The following PGCKA1 variants were observed in gnomAD, a reference collection of about 807,000 sequenced individuals.
PGCKA1 encodes PDCD10 and GCKIII kinases-associated protein 1.
chr4:37,503,684 G>T, the PGCKA1 span, among the ~76,000 whole-genome samples: 1 of 152,224 alleles, frequency 6.6e-6, no homozygotes, highest in South Asian at 2.1e-4. Flanking sequence ...TTTTTGATTT[G>T]CATTTCTCTG....
chr4:37,590,388 G>C, the PGCKA1 span: 2 of 1,613,884 alleles, frequency 1.2e-6, no homozygotes, highest in Non-Finnish European at 1.7e-6. Context: ...AGCCCACTGG[G>C]AATTCCAGCC....
the PGCKA1 span, among the ~76,000 whole-genome samples, chr4:37,480,231 G>A: frequency 6.6e-6 from 1 of 152,236 alleles, no homozygotes; most frequent in African/African-American, 2.4e-5. Flanking sequence ...CGTGGCTCAC[G>A]CCTGTAATCC....
At chr4:37,522,789 C>T in the PGCKA1 span, among the ~76,000 whole-genome samples, 22 of 152,124 alleles carry the variant, frequency 1.4e-4, no homozygotes, top group Admixed American at 1.2e-3. Flanking sequence ...GGAGCAAGGA[C>T]CTGGAACAGG....
chr4:37,491,233 A>G, the PGCKA1 span, among the ~76,000 whole-genome samples: 1 of 152,150 alleles, frequency 6.6e-6, no homozygotes, highest in Non-Finnish European at 1.5e-5. Flanking sequence ...GGGATATTGT[A>G]CATTGACTTT....
At chr4:37,566,489 C>T in the PGCKA1 span, among the ~76,000 whole-genome samples, 2 of 152,116 alleles carry the variant, frequency 1.3e-5, no homozygotes, top group Non-Finnish European at 2.9e-5. Flanking sequence ...CCATGTTGGC[C>T]AGGCTGGTCT....
At chr4:37,576,859 G>A in the PGCKA1 span, among the ~76,000 whole-genome samples, 1 of 152,020 alleles carries the variant, frequency 6.6e-6, no homozygotes, top group African/African-American at 2.4e-5. Context: ...TCTTCATTCT[G>A]TTGATATGAT....
the PGCKA1 span, among the ~76,000 whole-genome samples, chr4:37,525,075 T>C: frequency 7.2e-5 from 11 of 152,226 alleles, no homozygotes; most frequent in Non-Finnish European, 1.3e-4. Flanking sequence ...AAAGCAGTTC[T>C]TTATTTCAAC....
the PGCKA1 span, among the ~76,000 whole-genome samples, chr4:37,554,000 C>G: frequency 6.6e-6 from 1 of 152,246 alleles, no homozygotes; most frequent in Admixed American, 6.5e-5. Flanking sequence ...TGTCCCCACC[C>G]AAATCTCATC....
the PGCKA1 span, among the ~76,000 whole-genome samples, chr4:37,485,076 T>G: frequency 6.6e-6 from 1 of 152,242 alleles, no homozygotes; most frequent in Middle Eastern, 3.2e-3. Flanking sequence ...CCAAAGTGAT[T>G]GGAACTTTGA....
the PGCKA1 span, chr4:37,590,151 G>A: frequency 3.1e-6 from 5 of 1,614,178 alleles, no homozygotes; most frequent in Non-Finnish European, 4.2e-6. Flanking sequence ...ACAGCTGCAA[G>A]CTAGATGAAG....
At chr4:37,570,219 C>G in the PGCKA1 span, among the ~76,000 whole-genome samples, 2 of 134,912 alleles carry the variant, frequency 1.5e-5, no homozygotes, top group Non-Finnish European at 3.0e-5. Flanking sequence ...AGGATGGTCT[C>G]GATCTCCTGA....
chr4:37,506,728 T>C, the PGCKA1 span, among the ~76,000 whole-genome samples: 1 of 152,140 alleles, frequency 6.6e-6, no homozygotes, highest in Non-Finnish European at 1.5e-5. Flanking sequence ...ATGATCCTTG[T>C]GCTAAGGAAA....
the PGCKA1 span, among the ~76,000 whole-genome samples, chr4:37,468,756 A>ACG: frequency 1.3e-5 from 2 of 151,974 alleles, no homozygotes; most frequent in African/African-American, 4.8e-5. Context: ...CCCCACACAC[A>ACG]TATGTTTGTG....
chr4:37,503,087 G>A, the PGCKA1 span, among the ~76,000 whole-genome samples: 4 of 152,170 alleles, frequency 2.6e-5, no homozygotes, highest in African/African-American at 9.7e-5. Context: ...GCTCTGCATA[G>A]CTGGTATGCT....
the PGCKA1 span, among the ~76,000 whole-genome samples, chr4:37,454,667 T>C: frequency 6.6e-6 from 1 of 152,332 alleles, no homozygotes; most frequent in South Asian, 2.1e-4. Flanking sequence ...GTTTGCTAAA[T>C]ATTTAATAAT....
At chr4:37,487,558 G>GT in the PGCKA1 span, among the ~76,000 whole-genome samples, 2 of 152,076 alleles carry the variant, frequency 1.3e-5, no homozygotes, top group African/African-American at 4.8e-5. Flanking sequence ...TTATTTGGGA[G>GT]TTTTAACTGT....
At chr4:37,581,662 A>G in the PGCKA1 span, among the ~76,000 whole-genome samples, 1 of 152,116 alleles carries the variant, frequency 6.6e-6, no homozygotes, top group Non-Finnish European at 1.5e-5. The surrounding 1 kb of genome is among the most constrained non-coding windows in gnomAD (Gnocchi z 4.4). Context: ...TTCCTCAAGC[A>G]CAAGGAAGGG....
At chr4:37,527,918 C>G in the PGCKA1 span, among the ~76,000 whole-genome samples, 1 of 152,102 alleles carries the variant, frequency 6.6e-6, no homozygotes, top group East Asian at 1.9e-4. Context: ...GGGCAATAGG[C>G]TATACCAGGC....
chr4:37,515,908 A>C, the PGCKA1 span, among the ~76,000 whole-genome samples: 1 of 152,224 alleles, frequency 6.6e-6, no homozygotes, highest in Non-Finnish European at 1.5e-5. Flanking sequence ...ACTGAGTCAA[A>C]ATCTTAACAT....
Sources: allele counts gnomAD v4.1 joint callset (sites outside exome capture counted in the v4.1 genomes callset), GRCh38; gene constraint gnomAD v4.1.1; non-coding constraint Gnocchi (gnomAD v3.1); transcripts MANE v1.5; gene names NCBI Gene and HGNC (gene_info 2026-07-23, HGNC 2026-07-21).